SH3RF1: variants seen among roughly 807,000 people sequenced by gnomAD.
SH3RF1 encodes the protein SH3 domain containing ring finger 1.
Under a neutral mutation model 74.0 loss-of-function variants are expected in SH3RF1, and 32 were observed. The observed-to-expected ratio is 0.43, with a 90% CI of 0.33 to 0.58. The LOEUF (loss-of-function observed/expected upper bound fraction) is 0.58. Ranked by LOEUF, SH3RF1 falls within the 20% of genes least tolerant of loss-of-function variation. The pLI, the probability that SH3RF1 is intolerant of heterozygous loss-of-function variation, is 0.05. For missense variants in SH3RF1, 954 were observed against 1,130.9 expected, an observed-to-expected ratio of 0.84 and a Z score of 2.24; for synonymous variants, 396 against 439.6, an observed-to-expected ratio of 0.90 and a Z score of 1.24.
chr4:169,215,413 T>C (rs1403918229), intron 2 of SH3RF1, among the ~76,000 whole-genome samples: 1 of 152,178 alleles, frequency 6.6e-6, no homozygotes, highest in Non-Finnish European at 1.5e-5. Flanking sequence ...TTCCTTTTCT[T>C]GTAATGTCTT....
rs758639295 is a variant in SH3RF1 at position 169,156,527 on chromosome 4, A to G, written c.546T>C (p.Phe182=). The G allele has an allele frequency of 1.2e-5, 19 of 1,613,990 alleles. No homozygotes were observed. The South Asian group carries it at 2.0e-4, about 17-fold the overall frequency. ...TAATCTGCACAAAGTTGGTGGGGAAAAAGCCATGGATTCCATTGACTTCCC... is the reference window on the plus strand; with the variant it reads ...TAATCTGCACAAAGTTGGTGGGGAAGAAGCCATGGATTCCATTGACTTCCC... ...YHGEVNGIHG[F]FPTNFVQIIK... The change falls in exon 3 of 12, where the codon TTT becomes TTC. Residue 182 remains phenylalanine (F), a synonymous_variant. Coordinates refer to ENST00000284637, the MANE Select transcript of SH3RF1 (RefSeq NM_020870.4).
rs143421279 is a variant in SH3RF1 at position 169,116,546 on chromosome 4, A to C, written c.1862T>G (p.Val621Gly). ...QNAAGLSPAS[V>G]GLSHHSLASP... Reference sequence around the variant, plus strand: ...GGCCAGCGAGTGATGGGACAGGCCCACAGATGCAGGGCTGAGGCCGGCGGC... The same window carrying C: ...GGCCAGCGAGTGATGGGACAGGCCCCCAGATGCAGGGCTGAGGCCGGCGGC... Residue 621 changes from valine to glycine, a missense_variant, in exon 10 of 12, where the codon GTG becomes GGG. Val to Gly is a moderately radical substitution (Grantham distance 109). This residue lies in a region of SH3RF1 where 854 missense variants were observed against 962.5 expected (regional missense o/e 0.89). Transcript: ENST00000284637. 6.2e-6 allele frequency: 10 copies of C among 1,611,340 alleles called. No homozygotes were observed. The African/African-American group carries it at 1.2e-4, about 19-fold the overall frequency.
intron 2 of SH3RF1, among the ~76,000 whole-genome samples, chr4:169,228,950 AAAAC>A (rs550226397): frequency 3.0e-4 from 45 of 149,244 alleles, no homozygotes; most frequent in African/African-American, 7.2e-4. Context: ...TGTTCTTCGA[AAAAC>A]AAACAAACAA....
At chr4:169,184,515 T>C (rs972791721) in intron 2 of SH3RF1, among the ~76,000 whole-genome samples, 4 of 152,188 alleles carry the variant, frequency 2.6e-5, no homozygotes, top group African/African-American at 9.6e-5. Flanking sequence ...GGATAGCTAT[T>C]CCTTTCCTTT....
intron 4 of SH3RF1, among the ~76,000 whole-genome samples, chr4:169,145,461 T>C (rs1426786750): frequency 1.3e-5 from 2 of 151,932 alleles, no homozygotes; most frequent in African/African-American, 2.4e-5. Context: ...TTGGGTACGA[T>C]GTTCACCATG....
intron 2 of SH3RF1, 70 bp downstream of exon 2, chr4:169,268,750 G>A (rs1731394734): frequency 6.7e-7 from 1 of 1,489,824 alleles, no homozygotes; most frequent in African/African-American, 1.4e-5. Flanking sequence ...AAAACACCAA[G>A]CTAAAGAATA....
intron 6 of SH3RF1, among the ~76,000 whole-genome samples, chr4:169,123,842 A>T (rs1733481569): frequency 6.6e-6 from 1 of 152,060 alleles, no homozygotes; most frequent in African/African-American, 2.4e-5. Flanking sequence ...CAGTGAGCCA[A>T]GATTGCGCCA....
chr4:169,191,706 T>C (rs562520569), intron 2 of SH3RF1, among the ~76,000 whole-genome samples: 4 of 152,040 alleles, frequency 2.6e-5, no homozygotes, highest in Non-Finnish European at 5.9e-5. Flanking sequence ...CATAGACCAA[T>C]GGAACAGAAT....
chr4:169,239,817 T>G (rs1730876554), intron 2 of SH3RF1, among the ~76,000 whole-genome samples: 1 of 151,996 alleles, frequency 6.6e-6, no homozygotes, highest in Non-Finnish European at 1.5e-5. Context: ...GGTCAGGAGT[T>G]CAAGACCAGC....
rs950422725 is a variant in SH3RF1 at position 169,095,775 on chromosome 4, G to A, written c.*744C>T. The A allele has an allele frequency of 6.6e-6, 1 of 152,360 alleles. No homozygotes were observed. Among genetic ancestry groups the A allele is most frequent in the Admixed American group, 6.5e-5 (1 of 15,282 alleles). 9.4% of individuals were successfully genotyped at this position (152,360 alleles called of 1,614,324 possible). A position where few individuals can be genotyped will look rare whatever the true frequency, so the allele number is the denominator to read the frequency against. ...GGGTTGTGCTGTATTCTTTCTCATT[G>A]TTTCAGTCACTTCATTCTAGGAAAA... On this transcript the variant is annotated 3_prime_UTR_variant, in exon 12 of 12. Coordinates refer to ENST00000284637, the MANE Select transcript of SH3RF1 (RefSeq NM_020870.4).
intron 2 of SH3RF1, among the ~76,000 whole-genome samples, chr4:169,258,107 A>G (rs1041080190): frequency 1.3e-5 from 2 of 152,250 alleles, no homozygotes. Flanking sequence ...AAGAACTCAG[A>G]TATCAGAAAA....
At chr4:169,229,579 A>T (rs1434591113) in intron 2 of SH3RF1, among the ~76,000 whole-genome samples, 3 of 152,122 alleles carry the variant, frequency 2.0e-5, no homozygotes, top group Non-Finnish European at 2.9e-5. Context: ...AAGTCCTCTA[A>T]CTTTGTTTAA....
chr4:169,149,250 TC>T (rs886077621), intron 4 of SH3RF1, among the ~76,000 whole-genome samples: 5 of 152,128 alleles, frequency 3.3e-5, no homozygotes, highest in Non-Finnish European at 5.9e-5. Context: ...CCTAAACAAC[TC>T]CTTTTTAGAT....
At chr4:169,256,781 G>T (rs1731200246) in intron 2 of SH3RF1, among the ~76,000 whole-genome samples, 1 of 151,996 alleles carries the variant, frequency 6.6e-6, no homozygotes. Flanking sequence ...AAAAAATTTA[G>T]AAGGGGGATG....
chr4:169,248,151 G>A (rs570956235), intron 2 of SH3RF1, among the ~76,000 whole-genome samples: 2 of 152,240 alleles, frequency 1.3e-5, no homozygotes, highest in South Asian at 2.1e-4. Flanking sequence ...TATACCCAAA[G>A]GATTATAAAT....
rs531772994 is a variant in SH3RF1, at chr4:169,143,719, G to A, written c.766-7099C>T. On this transcript the variant is annotated intron_variant, in intron 4 of 11. Coordinates refer to ENST00000284637, the MANE Select transcript of SH3RF1 (RefSeq NM_020870.4). Reference sequence around the variant, plus strand: ...CAAGCCTCACTACATCCTGCCAAGGGAAAAGGATTTTCAAAGTTAACTACC... The same window carrying A: ...CAAGCCTCACTACATCCTGCCAAGGAAAAAGGATTTTCAAAGTTAACTACC... 1.3e-4 allele frequency among the ~76,000 whole-genome samples: 20 copies of A among 152,256 alleles called. No individual in the cohort carries two copies. In the East Asian group the frequency reaches 3.9e-3, roughly 29 times the overall value.
In SH3RF1 at chr4:169,244,289, C is replaced by T. The variant is rs576422435; in HGVS notation, c.393+24531G>A. 6.6e-5 allele frequency among the ~76,000 whole-genome samples: 10 copies of T among 152,300 alleles called. No homozygotes were observed. The South Asian group carries it at 1.0e-3, about 16-fold the overall frequency. On this transcript the variant is annotated intron_variant, in intron 2 of 11. Transcript: ENST00000284637. ...CACCCACCACCATTTTTAAATTTTTCCATGTGAATTGAGGACTGTAAGTAT... is the reference window on the plus strand; with the variant it reads ...CACCCACCACCATTTTTAAATTTTTTCATGTGAATTGAGGACTGTAAGTAT...
At chr4:169,145,571 A>ATATATTATATATCATATATAATAATGGT (rs1733861875) in intron 4 of SH3RF1, among the ~76,000 whole-genome samples, 1 of 147,972 alleles carries the variant, frequency 6.8e-6, no homozygotes, top group Admixed American at 6.8e-5. Flanking sequence ...AAAAATATAT[A>ATATATTATATATCATATATAATAATGGT]TATATTATAT....
intron 5 of SH3RF1, among the ~76,000 whole-genome samples, chr4:169,135,305 T>C (rs886485003): frequency 1.3e-5 from 2 of 152,240 alleles, no homozygotes; most frequent in Admixed American, 6.5e-5. Flanking sequence ...GGACCAGGAC[T>C]GGTATTTCTT....
Sources: gnomAD v4.1 joint callset for allele counts (sites outside exome capture counted in the v4.1 genomes callset) on GRCh38, gnomAD v4.1.1 for gene constraint, gnomAD v4.1.1 regional missense constraint, MANE v1.5 for transcripts, NCBI Gene and HGNC (gene_info 2026-07-23, HGNC 2026-07-21) for gene names.